The following ST13 variants were observed in gnomAD, a reference collection of about 807,000 sequenced individuals.
ST13 encodes ST13 Hsp70 interacting protein, also known as hsc70-interacting protein.
Under a neutral mutation model 56.7 loss-of-function variants are expected in ST13, and 23 were observed. The observed-to-expected ratio is 0.41, with a 90% CI of 0.29 to 0.57. The LOEUF is 0.57. Among genes scored for constraint, ST13 ranks in the 20% least tolerant of loss-of-function variants. The pLI, the probability that ST13 is intolerant of heterozygous loss-of-function variation, is 0.36. For synonymous variants in ST13, 132 were observed against 142.4 expected, an observed-to-expected ratio of 0.93 and a Z score of 0.52; for missense variants, 369 against 459.9, an observed-to-expected ratio of 0.80 and a Z score of 1.81.
intron 4 of ST13, among the ~76,000 whole-genome samples, chr22:40,841,862 G>A (rs1260841626): frequency 1.3e-5 from 2 of 151,968 alleles, no homozygotes; most frequent in African/African-American, 2.4e-5. Context: ...CAAAGTTCTG[G>A]GATTAGAAGC....
chr22:40,840,043 G>A (rs981157631), intron 5 of ST13, among the ~76,000 whole-genome samples: 9 of 151,952 alleles, frequency 5.9e-5, no homozygotes, highest in African/African-American at 4.8e-5. Flanking sequence ...CCAGCTACTC[G>A]GGAGGCTGAG....
chr22:40,836,140 C>T (rs1049177309), intron 5 of ST13, among the ~76,000 whole-genome samples: 2 of 152,130 alleles, frequency 1.3e-5, no homozygotes, highest in Non-Finnish European at 2.9e-5. Flanking sequence ...CTTAGTATGA[C>T]CCATATTGAT....
chr22:40,856,506 A>C lies in ST13; in HGVS notation c.35T>G (p.Phe12Cys). The change falls in exon 1 of 12, where the codon TTT (phenylalanine) becomes TGT (cysteine). Residue 12 changes from phenylalanine (F) to cysteine (C), a missense_variant. Coordinates refer to ENST00000216218, the MANE Select transcript of ST13 (RefSeq NM_003932.5). ...CGGATCCTGCTTACACATTTTCACA[A>C]AGGCCCGAAGCTCGTTCACTTTGCG... ...DPRKVNELRA[F>C]VKMCKQDPSV... 57 of 1,612,990 alleles carry C rather than the reference A, an allele frequency of 3.5e-5. No homozygotes were observed. The highest frequency in any genetic ancestry group is 4.7e-5 in the Non-Finnish European group (56 of 1,179,646).
chr22:40,845,920 T>C (rs967570625), intron 3 of ST13, among the ~76,000 whole-genome samples: 2 of 152,082 alleles, frequency 1.3e-5, no homozygotes, highest in Non-Finnish European at 2.9e-5. Context: ...TGGTGTACAA[T>C]GCGATGTTTT....
chr22:40,852,544 G>C (rs2057867175), intron 1 of ST13, among the ~76,000 whole-genome samples: 1 of 152,114 alleles, frequency 6.6e-6, no homozygotes, highest in Admixed American at 6.6e-5. Context: ...GTAGCAGATG[G>C]AATGAAAAGA....
intron 2 of ST13, among the ~76,000 whole-genome samples, chr22:40,849,321 C>T (rs1319123605): frequency 6.6e-6 from 1 of 151,208 alleles, no homozygotes; most frequent in African/African-American, 2.4e-5. Context: ...ACTAAAAACA[C>T]AAAAAAATTA....
At position 40,856,622 on chromosome 22, in the gene ST13, G is replaced by A. The variant is rs536153975; in HGVS notation, c.-82C>T. On this transcript the variant is annotated 5_prime_UTR_variant, in exon 1 of 12. Coordinates refer to ENST00000216218, the MANE Select transcript of ST13 (RefSeq NM_003932.5). ...GCTGGCTCGGCGTGACCGCGCAGAA[G>A]GGGGCGGCTGCCGCAAGACAGAACA... 1.5e-4 allele frequency: 163 copies of A among 1,121,828 alleles called. No homozygotes were observed. Among genetic ancestry groups the A allele is most frequent in the South Asian group, 5.5e-4 (44 of 79,926 alleles). The allele number at this position is 1,121,828 out of a possible 1,614,324, so 69.5% of individuals were successfully genotyped here.
chr22:40,851,704 A>G (rs1222048002), intron 1 of ST13, among the ~76,000 whole-genome samples: 1 of 152,008 alleles, frequency 6.6e-6, no homozygotes, highest in Non-Finnish European at 1.5e-5. Flanking sequence ...GCCATTAACT[A>G]TGTAAAACAA....
intron 8 of ST13, among the ~76,000 whole-genome samples, chr22:40,831,234 G>T (rs564605100): frequency 6.6e-6 from 1 of 152,318 alleles, no homozygotes; most frequent in South Asian, 2.1e-4. Flanking sequence ...GTTTCTAAGT[G>T]CATGACAATT....
At chr22:40,838,097 A>G (rs1001873484) in intron 5 of ST13, among the ~76,000 whole-genome samples, 1 of 152,222 alleles carries the variant, frequency 6.6e-6, no homozygotes, top group Non-Finnish European at 1.5e-5. Context: ...GAATTATTTT[A>G]ATCTCTGCAG....
chr22:40,846,273 C>T (rs1383283224), intron 3 of ST13, among the ~76,000 whole-genome samples: 1 of 152,152 alleles, frequency 6.6e-6, no homozygotes, highest in East Asian at 1.9e-4. Flanking sequence ...CACTTTACTG[C>T]ACCTCACATA....
At chr22:40,846,522 G>A (rs754948106) in intron 3 of ST13, among the ~76,000 whole-genome samples, 1 of 152,112 alleles carries the variant, frequency 6.6e-6, no homozygotes, top group Non-Finnish European at 1.5e-5. Flanking sequence ...ATCAAAGTTT[G>A]ATTTGTATAC....
At chr22:40,847,006 C>G (rs570969865) in intron 3 of ST13, among the ~76,000 whole-genome samples, 1 of 151,494 alleles carries the variant, frequency 6.6e-6, no homozygotes, top group South Asian at 2.1e-4. Context: ...CCAAAAAAAC[C>G]CCAAAAAAAC....
intron 1 of ST13, 59 bp from the exon 2 acceptor site, chr22:40,850,939 A>G (rs1760084761): frequency 1.7e-5 from 21 of 1,226,354 alleles, no homozygotes; most frequent in Non-Finnish European, 2.3e-5. Context: ...CTGTCACGCA[A>G]CGTATTTACA....
chr22:40,833,173 C>A (rs2057761753), intron 7 of ST13, among the ~76,000 whole-genome samples: 1 of 152,220 alleles, frequency 6.6e-6, no homozygotes, highest in South Asian at 2.1e-4. Flanking sequence ...TACCTTTTAA[C>A]TCAGGTGTAA....
At position 40,826,204 on chromosome 22, in the gene ST13, CAAT is replaced by C. The variant is rs1173845481; in HGVS notation, c.*331_*333del. ...TTCCATACATAAGTATATTCCCTGCCAATAATTCAAAGAAAAAAATCCAAAATG... is the reference window on the plus strand; with the variant it reads ...TTCCATACATAAGTATATTCCCTGCCAATTCAAAGAAAAAAATCCAAAATG... On this transcript the variant is annotated 3_prime_UTR_variant, in exon 12 of 12. Transcript: ENST00000216218. 1.2e-5 allele frequency: 2 copies of C among 173,104 alleles called. No homozygotes were observed. Among genetic ancestry groups the C allele is most frequent in the African/African-American group, 4.8e-5 (2 of 41,892 alleles). 10.7% of individuals were successfully genotyped at this position (173,104 alleles called of 1,614,324 possible).
intron 3 of ST13, among the ~76,000 whole-genome samples, chr22:40,846,362 C>T (rs1197927389): frequency 6.6e-6 from 1 of 152,110 alleles, no homozygotes; most frequent in Admixed American, 6.6e-5. Flanking sequence ...CACTGAAGAT[C>T]CAGTCTCTTA....
At chr22:40,827,030 C>T in intron 11 of ST13, 66 bp downstream of exon 11, 1 of 1,547,280 alleles carries the variant, frequency 6.5e-7, no homozygotes. Flanking sequence ...ACCTTTGTCT[C>T]CACACAGAAT....
At position 40,825,622 on chromosome 22, in the gene ST13, AATG is replaced by A. The variant is rs1568997160; in HGVS notation, c.*913_*915del. 6.6e-6 allele frequency: 1 copy of A among 152,102 alleles called. No individual in the cohort carries two copies. Among genetic ancestry groups the A allele is most frequent in the African/African-American group, 2.4e-5 (1 of 41,416 alleles). The allele number at this position is 152,102 out of a possible 1,614,324, so 9.4% of individuals were successfully genotyped here. ...AATATGCTTGTATAATTACGCTGTT[AATG>A]ATGATAGCAGTGATGATGCCGGTGG... On this transcript the variant is annotated 3_prime_UTR_variant, in exon 12 of 12. Transcript: ENST00000216218.
Sources: allele counts gnomAD v4.1 joint callset (sites outside exome capture counted in the v4.1 genomes callset), GRCh38; gene constraint gnomAD v4.1.1; transcripts MANE v1.5; gene names NCBI Gene and HGNC (gene_info 2026-07-23, HGNC 2026-07-21).